Variants in ATAD2 observed in about 807,000 individuals in gnomAD.
ATAD2 encodes the protein ATPase family AAA domain-containing protein 2.
Under a neutral mutation model 168.9 loss-of-function variants are expected in ATAD2, and 62 were observed. The ratio of observed to expected loss-of-function variants is 0.37; its 90% CI spans 0.30 to 0.45. The LOEUF (loss-of-function observed/expected upper bound fraction) is 0.45. Among genes scored for constraint, ATAD2 ranks in the 20% least tolerant of loss-of-function variants. The pLI, the probability that ATAD2 is intolerant of heterozygous loss-of-function variation, is 1.00. For missense variants in ATAD2, 1,419 were observed against 1,667.8 expected (o/e 0.85, Z 2.60); for synonymous variants, 613 against 571.6 (o/e 1.07, Z -1.03).
rs747508399 is a variant in ATAD2 at position 123,359,352 on chromosome 8, AACATGT to A, written c.1267-22_1267-17del. 1 of 1,552,690 alleles carries A rather than the reference AACATGT, an allele frequency of 6.4e-7. No homozygotes were observed. Among genetic ancestry groups the A allele is most frequent in the South Asian group, 1.2e-5 (1 of 86,056 alleles). On this transcript the variant is annotated splice_polypyrimidine_tract_variant and intron_variant, in intron 10 of 27. Coordinates refer to ENST00000287394, the MANE Select transcript of ATAD2 (RefSeq NM_014109.4). ...CAAATCGTACCTGGTAATGGAAGCG[AACATGT>A]ACATTTTTAGATTTGGAGTCCAGAT...
chr8:123,321,083 A>C lies in ATAD2; in HGVS notation c.*51T>G. 6.5e-7 allele frequency: 1 copy of C among 1,547,504 alleles called. No individual in the cohort carries two copies. The highest frequency in any genetic ancestry group is 8.8e-7 in the Non-Finnish European group (1 of 1,129,990). On this transcript the variant is annotated 3_prime_UTR_variant, in exon 28 of 28. Transcript: ENST00000287394. ...ACATCAATTAGGCGGACATGACAAA[A>C]ATGACTTAAATAGGAACTGAATATA...
At chr8:123,375,938 T>C (rs907043945) in intron 2 of ATAD2, among the ~76,000 whole-genome samples, 3 of 152,088 alleles carry the variant, frequency 2.0e-5, no homozygotes, top group African/African-American at 7.2e-5. Flanking sequence ...AGACCCCGTC[T>C]CTACTAAAAG....
rs201958673 is a variant in ATAD2, at chr8:123,369,096, G to A, written c.1011C>T (p.Ser337=). ...TACAGTAAGGACTTCTTGGTCCTGCGGAAGATAATCGGTATCTTGGTCTTG... is the reference window on the plus strand; with the variant it reads ...TACAGTAAGGACTTCTTGGTCCTGCAGAAGATAATCGGTATCTTGGTCTTG... ...SPARPRYRLS[S]AGPRSPYCKR... is the part of the protein sequence containing the mutation. The change falls in exon 8 of 28, where the codon TCC becomes TCT. Residue 337 remains serine (S), a synonymous_variant. Coordinates refer to ENST00000287394, the MANE Select transcript of ATAD2 (RefSeq NM_014109.4). The A allele has an allele frequency of 5.9e-5, 94 of 1,596,072 alleles. 2 individuals carry two copies. The East Asian group carries it at 1.4e-3, about 24-fold the overall frequency.
intron 17 of ATAD2, 53 bp downstream of exon 17, chr8:123,346,565 A>G: frequency 1.4e-6 from 2 of 1,431,204 alleles, no homozygotes; most frequent in Non-Finnish European, 1.9e-6. Context: ...CATCTCATTT[A>G]TTTTTAGAAA....
Position 123,328,519 on chromosome 8 carries a change from C to A in ATAD2, c.3539G>T (p.Arg1180Leu), listed in dbSNP as rs750374973. The A allele has an allele frequency of 3.8e-6, 6 of 1,592,442 alleles. No individual in the cohort carries two copies. Among genetic ancestry groups the A allele is most frequent in the Non-Finnish European group, 4.3e-6 (5 of 1,172,142 alleles). ...SNWYLGTIKK[R>L]RKISQAKDDS... ...ATCCTTTGCCTGTGAAATCTTCCTT[C>A]GCTTTTTTATGGTGCCTAAGTACCA... The change falls in exon 25 of 28, where the codon CGA (arginine) becomes CTA (leucine). Residue 1180 changes from arginine to leucine, a missense_variant. This residue lies in a region of ATAD2 where 303 missense variants were observed against 304.3 expected (regional missense o/e 1.00). Coordinates refer to ENST00000287394, the MANE Select transcript of ATAD2 (RefSeq NM_014109.4).
chr8:123,330,213 C>T (rs1827738826), intron 24 of ATAD2, among the ~76,000 whole-genome samples: 1 of 151,896 alleles, frequency 6.6e-6, no homozygotes, highest in Non-Finnish European at 1.5e-5. Flanking sequence ...TGGTCTTAAA[C>T]TCCTGGCCTC....
At chr8:123,337,548 C>A in intron 21 of ATAD2, 77 bp downstream of exon 21, 2 of 1,371,636 alleles carry the variant, frequency 1.5e-6, no homozygotes. Flanking sequence ...GGCAGAACCA[C>A]ATAAACTCTT....
At chr8:123,360,650 C>T (rs1478307690) in intron 9 of ATAD2, among the ~76,000 whole-genome samples, 2 of 151,736 alleles carry the variant, frequency 1.3e-5, no homozygotes, top group Non-Finnish European at 2.9e-5. Context: ...CACTTGAGGT[C>T]AGGAGTTCGA....
At chr8:123,340,437 A>G (rs1563838579) in intron 19 of ATAD2, among the ~76,000 whole-genome samples, 1 of 152,362 alleles carries the variant, frequency 6.6e-6, no homozygotes, top group East Asian at 1.9e-4. Flanking sequence ...CAGAATTAGT[A>G]TATGATGTGG....
intron 13 of ATAD2, among the ~76,000 whole-genome samples, chr8:123,354,140 A>T (rs1586877211): frequency 6.6e-6 from 1 of 152,176 alleles, no homozygotes; most frequent in East Asian, 1.9e-4. Flanking sequence ...TCTCAAAAAA[A>T]ACAATTTAGG....
At chr8:123,358,967 G>A (rs1032206127) in intron 11 of ATAD2, among the ~76,000 whole-genome samples, 2 of 151,964 alleles carry the variant, frequency 1.3e-5, no homozygotes, top group Non-Finnish European at 2.9e-5. Flanking sequence ...GCCCCCCAAA[G>A]TGCTGGGATT....
At position 123,371,353 on chromosome 8, in the gene ATAD2, T is replaced by C; in HGVS notation, c.537-15A>G. The C allele has an allele frequency of 6.4e-7, 1 of 1,558,934 alleles. No individual in the cohort carries two copies. Among genetic ancestry groups the C allele is most frequent in the African/African-American group, 1.4e-5 (1 of 72,578 alleles). On this transcript the variant is annotated splice_polypyrimidine_tract_variant and intron_variant, in intron 4 of 27. Coordinates refer to ENST00000287394, the MANE Select transcript of ATAD2 (RefSeq NM_014109.4). ...CTTCAGCAGTGCTTTAAAAAAAAGATATAAATGTAAGTGAAAATTGTAAAA... is the reference window on the plus strand; with the variant it reads ...CTTCAGCAGTGCTTTAAAAAAAAGACATAAATGTAAGTGAAAATTGTAAAA...
intron 2 of ATAD2, among the ~76,000 whole-genome samples, chr8:123,373,737 C>T (rs1343611437): frequency 6.7e-6 from 1 of 149,036 alleles, no homozygotes; most frequent in Non-Finnish European, 1.5e-5. Context: ...TGCAGTGAGC[C>T]GAGATCCCGC....
At chr8:123,350,011 G>A (rs1328599645) in intron 13 of ATAD2, among the ~76,000 whole-genome samples, 2 of 151,604 alleles carry the variant, frequency 1.3e-5, no homozygotes, top group Non-Finnish European at 2.9e-5. Context: ...GCAAGACCTT[G>A]TCTCAAAAAA....
intron 13 of ATAD2, among the ~76,000 whole-genome samples, chr8:123,350,870 G>A (rs780199092): frequency 6.6e-6 from 1 of 151,552 alleles, no homozygotes; most frequent in Non-Finnish European, 1.5e-5. Flanking sequence ...GACTACAGGC[G>A]CCCGCTACCA....
At position 123,402,138 on chromosome 8, in the gene ATAD2, GGCA is replaced by G. The variant is rs1813011444; in HGVS notation, c.-2281-966_-2281-964del. On this transcript the variant is annotated intron_variant, in intron 1 of 28. Coordinates refer to the ATAD2 transcript ENST00000521903. The surrounding 1 kb of genome is among the most constrained non-coding windows in gnomAD (Gnocchi z 4.8). ...CAGTGGAGGCCGAGGTGGTGGAGGGGGCACCCCCCAGTGTCCACCTTCGGGCAT... is the reference window on the plus strand; with the variant it reads ...CAGTGGAGGCCGAGGTGGTGGAGGGGCCCCCCAGTGTCCACCTTCGGGCAT... 1 of 788,828 alleles carries G rather than the reference GGCA, an allele frequency of 1.3e-6. No homozygotes were observed. Among genetic ancestry groups the G allele is most frequent in the South Asian group, 1.4e-5 (1 of 69,804 alleles). The allele number at this position is 788,828 out of a possible 1,614,324, so 48.9% of individuals were successfully genotyped here.
intron 13 of ATAD2, among the ~76,000 whole-genome samples, chr8:123,355,484 C>A (rs1828612740): frequency 6.6e-6 from 1 of 152,088 alleles, no homozygotes; most frequent in South Asian, 2.1e-4. Flanking sequence ...TAAAAGTGCT[C>A]CCTTGGATAA....
In ATAD2 at chr8:123,363,162, G is replaced by T. The variant is rs74470994; in HGVS notation, c.1050-1516C>A. Among the ~76,000 whole-genome samples, 40 of 152,140 alleles carry T rather than the reference G, an allele frequency of 2.6e-4. No individual in the cohort carries two copies. In the East Asian group the frequency reaches 5.6e-3, roughly 21 times the overall value. ...GTAAGTATTTCCAAAAATACAAAAG[G>T]TTCACAATCTATTATCTGCATAATG... is the stretch of plus-strand genomic sequence containing the variant. On this transcript the variant is annotated intron_variant, in intron 8 of 27. Coordinates refer to ENST00000287394, the MANE Select transcript of ATAD2 (RefSeq NM_014109.4).
chr8:123,413,050 G>A (rs750351607), intron 1 of ATAD2, among the ~76,000 whole-genome samples: 14 of 152,248 alleles, frequency 9.2e-5, no homozygotes, highest in South Asian at 2.1e-4. Context: ...CAAGGACTTA[G>A]AGAGCCATTC....
Sources: allele counts gnomAD v4.1 joint callset (sites outside exome capture counted in the v4.1 genomes callset), GRCh38; gene constraint gnomAD v4.1.1; regional missense constraint gnomAD v4.1.1; non-coding constraint Gnocchi (gnomAD v3.1); transcripts MANE v1.5; gene names NCBI Gene and HGNC (gene_info 2026-07-23, HGNC 2026-07-21).